Variants in WDFY4 observed in about 807,000 individuals in gnomAD.
WDFY4 encodes WD repeat- and FYVE domain-containing protein 4.
In WDFY4, 169 loss-of-function variants were observed where a neutral mutation model predicts 351.9. The observed-to-expected ratio is 0.48, with a 90% confidence interval of 0.42 to 0.55. The LOEUF is 0.55. WDFY4 is among the 20% of genes least tolerant of loss of function. WDFY4 has a pLI of 0.00. For synonymous variants in WDFY4, 1,622 were observed against 1,574.6 expected (o/e 1.03, Z -0.71); for missense variants, 3,803 against 3,935.6 (o/e 0.97, Z 0.90).
intron 31 of WDFY4, among the ~76,000 whole-genome samples, chr10:48,814,346 A>T (rs1286375042): frequency 6.6e-6 from 1 of 152,140 alleles, no homozygotes; most frequent in Non-Finnish European, 1.5e-5. Context: ...TGGAAGATTT[A>T]TTGCCTTCAG....
chr10:48,969,185 C>A lies in WDFY4; in HGVS notation c.8706C>A (p.Asn2902Lys), dbSNP rs766095495. The change falls in exon 56 of 62, where the codon AAC (asparagine) becomes AAA (lysine). Residue 2902 changes from asparagine (N) to lysine (K), a missense_variant. By Grantham distance (94) the Asn-to-Lys change is moderately conservative (BLOSUM62 0). Transcript: ENST00000325239. ...RNKVLLPPLW[N>K]RTFSWGFDDF... ...AAGTGCTGCTGCCTCCTCTCTGGAACAGGACCTTCAGCTGGGGCTTTGATG... is the reference window on the plus strand; with the variant it reads ...AAGTGCTGCTGCCTCCTCTCTGGAAAAGGACCTTCAGCTGGGGCTTTGATG... 1.3e-6 allele frequency: 2 copies of A among 1,551,706 alleles called. No individual in the cohort carries two copies. Among genetic ancestry groups the A allele is most frequent in the South Asian group, 2.4e-5 (2 of 84,070 alleles).
chr10:48,758,170 T>C (rs1201409822), intron 12 of WDFY4, among the ~76,000 whole-genome samples: 1 of 152,192 alleles, frequency 6.6e-6, no homozygotes, highest in Non-Finnish European at 1.5e-5. Context: ...AACACATTTA[T>C]TTTGCCTTCA....
Position 48,946,957 on chromosome 10 carries a change from C to G in WDFY4, c.7965C>G (p.Phe2655Leu). Residue 2655 changes from phenylalanine to leucine, a missense_variant, in exon 51 of 62, where the codon TTC becomes TTG. Physicochemically the swap from Phe to Leu is conservative, Grantham distance 22. This residue lies in a region of WDFY4 where 3,054 missense variants were observed against 3,148.6 expected (regional missense o/e 0.97). Coordinates refer to ENST00000325239, the MANE Select transcript of WDFY4 (RefSeq NM_001394531.1). ...GGATGCCACCCTTCACCCAGGCCTTCTGCGCTCTGCAGGTGAGCTGCTGCC... is the reference window on the plus strand; with the variant it reads ...GGATGCCACCCTTCACCCAGGCCTTGTGCGCTCTGCAGGTGAGCTGCTGCC... ...LVRMPPFTQA[F>L]CALQGGSFDV... is the part of the protein sequence containing the mutation. The G allele has an allele frequency of 6.4e-7, 1 of 1,550,592 alleles. No homozygotes were observed.
At chr10:48,849,041 A>G (rs983672684) in intron 39 of WDFY4, among the ~76,000 whole-genome samples, 1 of 152,140 alleles carries the variant, frequency 6.6e-6, no homozygotes, top group Non-Finnish European at 1.5e-5. Flanking sequence ...CCCTCCATGC[A>G]TGGGGGATCC....
At chr10:48,787,904 TTCTTCTTCTTCTTCTTCTTCTTC>T (rs1565198632) in intron 20 of WDFY4, among the ~76,000 whole-genome samples, 18 of 29,470 alleles carry the variant, frequency 6.1e-4, no homozygotes, top group African/African-American at 3.2e-3. Flanking sequence ...CTTCTTCTTC[TTCTTCTTCTTCTTCTTCTTCTTC>T]TTCTTCTTCT....
intron 37 of WDFY4, 143 bp from the exon 38 acceptor site, chr10:48,830,557 C>T: frequency 2.2e-6 from 2 of 912,798 alleles, no homozygotes; most frequent in Non-Finnish European, 3.3e-6. Context: ...TTGCTTCTCG[C>T]TGAAGCTTGC....
In WDFY4 at chr10:48,820,248, G is replaced by A. The variant is rs1392611511; in HGVS notation, c.5520G>A (p.Glu1840=). Residue 1840 remains glutamate, a synonymous_variant, in exon 33 of 62, where the codon GAG becomes GAA. Coordinates refer to ENST00000325239, the MANE Select transcript of WDFY4 (RefSeq NM_001394531.1). ...TTGTCTTTGAGGGGGTTGGGGCTGAGTCCACCCGGAACACCAGCAGTCCTG... is the reference window on the plus strand; with the variant it reads ...TTGTCTTTGAGGGGGTTGGGGCTGAATCCACCCGGAACACCAGCAGTCCTG... ...PLGAQKGVGA[E]STRNTSSPEA... is the part of the protein sequence containing the mutation. 1 of 1,551,702 alleles carries A rather than the reference G, an allele frequency of 6.4e-7. No individual in the cohort carries two copies. The highest frequency in any genetic ancestry group is 1.4e-5 in the African/African-American group (1 of 73,170).
chr10:48,949,722 G>A (rs1010627207), intron 51 of WDFY4, among the ~76,000 whole-genome samples: 39 of 152,162 alleles, frequency 2.6e-4, no homozygotes, highest in Admixed American at 2.6e-4. Flanking sequence ...GAGAGCACAC[G>A]TCTCCATTCT....
At position 48,966,877 on chromosome 10, in the gene WDFY4, T is replaced by G. The variant is rs1842108011; in HGVS notation, c.8584+204T>G. On this transcript the variant is annotated intron_variant, in intron 55 of 61. Coordinates refer to ENST00000325239, the MANE Select transcript of WDFY4 (RefSeq NM_001394531.1). ...GGAGCTCCTCTGTTAGACCCTAACT[T>G]CTGAAGACCCACGTCTCTCTGTCTT... is the stretch of plus-strand genomic sequence containing the variant. 4 of 635,892 alleles carry G rather than the reference T, an allele frequency of 6.3e-6. No homozygotes were observed. In the Admixed American group the frequency reaches 1.3e-4, roughly 20 times the overall value. 39.4% of individuals were successfully genotyped at this position (635,892 alleles called of 1,614,324 possible).
intron 30 of WDFY4, 72 bp from the exon 31 acceptor site, chr10:48,813,885 G>A: frequency 7.1e-7 from 1 of 1,409,280 alleles, no homozygotes; most frequent in Non-Finnish European, 9.3e-7. Flanking sequence ...GAAACATGAT[G>A]AACTGGCTGC....
chr10:48,952,047 C>G (rs1027539695), intron 51 of WDFY4, among the ~76,000 whole-genome samples: 1 of 152,324 alleles, frequency 6.6e-6, no homozygotes, highest in African/African-American at 2.4e-5. Flanking sequence ...AAGACAGATG[C>G]TAACTGCAGA....
rs964999299 is a variant in WDFY4 at position 48,765,034 on chromosome 10, T to C, written c.2553+4594T>C. 2.6e-5 allele frequency among the ~76,000 whole-genome samples: 4 copies of C among 152,282 alleles called. No homozygotes were observed. The East Asian group carries it at 5.8e-4, about 22-fold the overall frequency. On this transcript the variant is annotated intron_variant, in intron 13 of 61. Transcript: ENST00000325239. ...CAGAAAGAAGCATAAAGATGCCTAT[T>C]TGGGGACTCTGAATAGTTAAGCTGG...
intron 2 of WDFY4, among the ~76,000 whole-genome samples, chr10:48,714,077 A>T (rs1216190290): frequency 1.3e-5 from 2 of 152,214 alleles, no homozygotes; most frequent in African/African-American, 4.8e-5. Flanking sequence ...TGTAGGTAGT[A>T]TTTTTATCCC....
At chr10:48,943,187 A>G (rs1840868044) in intron 48 of WDFY4, 143 bp from the exon 49 acceptor site, 4 of 840,968 alleles carry the variant, frequency 4.8e-6, no homozygotes, top group Non-Finnish European at 7.2e-6. Flanking sequence ...CATGCATGAG[A>G]TGTGCACAAA....
Position 48,717,994 on chromosome 10 carries a change from CAACCGA to C in WDFY4, c.235-2016_235-2011del, listed in dbSNP as rs1409090086. ...TAAACCCTTCTTCAAAGTGTTCTTC[CAACCGA>C]TACTCTGTCAGTAGCACATGGGGGT... On this transcript the variant is annotated intron_variant, in intron 2 of 61. Transcript: ENST00000325239. Among the ~76,000 whole-genome samples, 124 of 152,306 alleles carry C rather than the reference CAACCGA, an allele frequency of 8.1e-4. 1 individual carries two copies. The highest frequency in any genetic ancestry group is 2.7e-3 in the African/African-American group (114 of 41,564).
At chr10:48,697,940 G>A (rs941001089) in intron 1 of WDFY4, among the ~76,000 whole-genome samples, 9 of 152,122 alleles carry the variant, frequency 5.9e-5, no homozygotes, top group Non-Finnish European at 8.8e-5. Flanking sequence ...TTCCTGCCTG[G>A]CCTTCTCTGA....
At chr10:48,766,759 T>G (rs533668983) in intron 13 of WDFY4, among the ~76,000 whole-genome samples, 117 of 152,252 alleles carry the variant, frequency 7.7e-4, no homozygotes, top group Non-Finnish European at 1.0e-3. Flanking sequence ...AATGTTCCTT[T>G]TCCATGACAT....
intron 23 of WDFY4, among the ~76,000 whole-genome samples, chr10:48,795,600 G>A (rs999761226): frequency 1.3e-4 from 19 of 150,228 alleles, no homozygotes; most frequent in Admixed American, 2.0e-4. Context: ...CTTCCGAAGG[G>A]CACGTTGCAA....
At chr10:48,889,557 T>C (rs2070604270) in intron 43 of WDFY4, among the ~76,000 whole-genome samples, 1 of 152,156 alleles carries the variant, frequency 6.6e-6, no homozygotes. Flanking sequence ...TAGCACAAAA[T>C]TACCATGAGA....
Sources: gnomAD v4.1 joint callset for allele counts (sites outside exome capture counted in the v4.1 genomes callset) on GRCh38, gnomAD v4.1.1 for gene constraint, gnomAD v4.1.1 regional missense constraint, MANE v1.5 for transcripts, NCBI Gene and HGNC (gene_info 2026-07-23, HGNC 2026-07-21) for gene names.